LDLRAP1: variants seen among roughly 807,000 people sequenced by gnomAD.
LDLRAP1 encodes the protein low density lipoprotein receptor adaptor protein 1.
LDLRAP1 carries 30 observed loss-of-function variants against 37.8 expected under a neutral mutation model. That is an observed-to-expected ratio of 0.79 (90% CI 0.59 to 1.08). LDLRAP1 has a LOEUF of 1.08. Among genes scored for constraint, LDLRAP1 ranks in the 50% least tolerant of loss-of-function variants. The pLI is 0.00. For synonymous variants in LDLRAP1, 156 were observed against 169.8 expected (o/e 0.92, Z 0.63); for missense variants, 375 against 401.6 (o/e 0.93, Z 0.57).
chr1:25,574,618 G>T, the LDLRAP1 span, among the ~76,000 whole-genome samples: 1 of 152,172 alleles, frequency 6.6e-6, no homozygotes, highest in Non-Finnish European at 1.5e-5. Context: ...GTCAGAGATT[G>T]GTGTATCCCC....
At position 25,554,467 on chromosome 1, in the gene LDLRAP1, C is replaced by G. The variant is rs541016596; in HGVS notation, c.232-393C>G. Among the ~76,000 whole-genome samples, 1 of 152,342 alleles carries G rather than the reference C, an allele frequency of 6.6e-6. No homozygotes were observed. Among genetic ancestry groups the G allele is most frequent in the East Asian group, 1.9e-4 (1 of 5,184 alleles). On this transcript the variant is annotated intron_variant, in intron 2 of 8. Transcript: ENST00000374338. The surrounding 1 kb of genome is among the most constrained non-coding windows in gnomAD (Gnocchi z 5.4). ...AAGGGTGGGCCTTTTAAATCCACTTCCCTTGGTGGCCTCAGACCCCTCAGC... is the reference window on the plus strand; with the variant it reads ...AAGGGTGGGCCTTTTAAATCCACTTGCCTTGGTGGCCTCAGACCCCTCAGC...
At chr1:25,562,047 A>C (rs1384545875) in intron 4 of LDLRAP1, among the ~76,000 whole-genome samples, 1 of 152,056 alleles carries the variant, frequency 6.6e-6, no homozygotes, top group Non-Finnish European at 1.5e-5. Context: ...TATAGCACTG[A>C]CCGGTTTTGG....
At chr1:25,582,120 C>T in the LDLRAP1 span, among the ~76,000 whole-genome samples, 1 of 152,182 alleles carries the variant, frequency 6.6e-6, no homozygotes, top group Non-Finnish European at 1.5e-5. Context: ...AGTGCCATGG[C>T]TTCCCCTTGG....
At chr1:25,566,703 C>T in intron 8 of LDLRAP1, 145 bp from the exon 9 acceptor site, 1 of 961,980 alleles carries the variant, frequency 1.0e-6, no homozygotes, top group Non-Finnish European at 1.6e-6. Context: ...GTGCTTTGAT[C>T]TGAGGTTACT....
At chr1:25,578,688 T>G in the LDLRAP1 span, among the ~76,000 whole-genome samples, 1 of 152,152 alleles carries the variant, frequency 6.6e-6, no homozygotes, top group Non-Finnish European at 1.5e-5. Flanking sequence ...GGCTAATTTA[T>G]ATATTTTTTG....
intron 4 of LDLRAP1, among the ~76,000 whole-genome samples, chr1:25,562,430 G>T (rs1368313857): frequency 6.6e-6 from 1 of 152,240 alleles, no homozygotes; most frequent in Non-Finnish European, 1.5e-5. Flanking sequence ...CCTCTGCGAG[G>T]CTATGGCCTT....
At chr1:25,576,710 G>A in the LDLRAP1 span, among the ~76,000 whole-genome samples, 5 of 152,330 alleles carry the variant, frequency 3.3e-5, no homozygotes, top group African/African-American at 1.2e-4. Flanking sequence ...CAAGATTCAA[G>A]GCCAATCCTA....
At position 25,554,802 on chromosome 1, in the gene LDLRAP1, A is replaced by T. The variant is rs2044160168; in HGVS notation, c.232-58A>T. 2 of 1,366,022 alleles carry T rather than the reference A, an allele frequency of 1.5e-6. No homozygotes were observed. The highest frequency in any genetic ancestry group is 2.8e-5 in the African/African-American group (2 of 70,218). 84.6% of individuals were successfully genotyped at this position (1,366,022 alleles called of 1,614,324 possible). ...GCTTAGGAACAGTGAAGTGTAAGCC[A>T]TGAGGGTGGGTCTCAAGTGAGGCTG... On this transcript the variant is annotated intron_variant, in intron 2 of 8. Transcript: ENST00000374338. This position sits in a 1 kb window ranked among gnomAD's most constrained non-coding sequence, Gnocchi z 5.4.
intron 6 of LDLRAP1, 62 bp downstream of exon 6, chr1:25,563,215 G>A: frequency 1.4e-6 from 2 of 1,426,882 alleles, no homozygotes; most frequent in Non-Finnish European, 2.0e-6. Context: ...TCACCCAGGG[G>A]GGTCCCACTC....
Position 25,555,042 on chromosome 1 carries a change from T to A in LDLRAP1, c.344+70T>A. 8.8e-7 allele frequency: 1 copy of A among 1,131,024 alleles called. No homozygotes were observed. The highest frequency in any genetic ancestry group is 1.3e-6 in the Non-Finnish European group (1 of 747,516). The allele number at this position is 1,131,024 out of a possible 1,614,324, so 70.1% of individuals were successfully genotyped here. Reference sequence around the variant, plus strand: ...CAGTGGGTGGAGTATCCCATCTGAATCCAGGCTCTACCACTTCCTACCTGG... The same window carrying A: ...CAGTGGGTGGAGTATCCCATCTGAAACCAGGCTCTACCACTTCCTACCTGG... On this transcript the variant is annotated intron_variant, in intron 3 of 8. Transcript: ENST00000374338. The surrounding 1 kb of genome is among the most constrained non-coding windows in gnomAD (Gnocchi z 4.7).
At chr1:25,564,675 G>T in intron 7 of LDLRAP1, 2 of 167,544 alleles carry the variant, frequency 1.2e-5, no homozygotes, top group Non-Finnish European at 2.6e-5. Context: ...CTCACCTGTC[G>T]CTTTTCTGCT....
At chr1:25,547,886 T>A (rs141715119) in intron 1 of LDLRAP1, among the ~76,000 whole-genome samples, 2,610 of 152,240 alleles carry the variant, frequency 0.017, 41 homozygotes, top group Non-Finnish European at 0.026. Flanking sequence ...GAACAGCAAG[T>A]GCAGGGAATG....
At chr1:25,548,984 G>C (rs970587744) in intron 1 of LDLRAP1, among the ~76,000 whole-genome samples, 1 of 152,202 alleles carries the variant, frequency 6.6e-6, no homozygotes, top group Admixed American at 6.5e-5. Context: ...AGGACACTGA[G>C]ATCCAGGGAG....
At chr1:25,569,853 A>T (rs2044579475), downstream of LDLRAP1, among the ~76,000 whole-genome samples, 1 of 152,146 alleles carries the variant, frequency 6.6e-6, no homozygotes, top group African/African-American at 2.4e-5. Context: ...GGGCGGGGCC[A>T]CAGCTGAGCC....
the LDLRAP1 span, among the ~76,000 whole-genome samples, chr1:25,583,209 T>C: frequency 2.8e-3 from 409 of 144,556 alleles, 6 homozygotes; most frequent in East Asian, 0.06. Flanking sequence ...TTTTTTTTTT[T>C]GGTGGAGTCT....
chr1:25,582,184 C>T, the LDLRAP1 span, among the ~76,000 whole-genome samples: 1 of 152,242 alleles, frequency 6.6e-6, no homozygotes, highest in African/African-American at 2.4e-5. Flanking sequence ...TTTCATCAGA[C>T]ATTGACTGAG....
chr1:25,587,195 A>G, the LDLRAP1 span, among the ~76,000 whole-genome samples: 1 of 152,092 alleles, frequency 6.6e-6, no homozygotes, highest in African/African-American at 2.4e-5. Context: ...TCTGTCGCCC[A>G]GCCTGGAGTG....
intron 4 of LDLRAP1, among the ~76,000 whole-genome samples, chr1:25,560,187 G>A (rs2044310253): frequency 6.6e-6 from 1 of 152,208 alleles, no homozygotes; most frequent in Non-Finnish European, 1.5e-5. Flanking sequence ...TCCGTTTGCA[G>A]TGGGCCTTGA....
intron 7 of LDLRAP1, chr1:25,564,722 G>A (rs1316473699): frequency 5.2e-6 from 1 of 191,354 alleles, no homozygotes; most frequent in South Asian, 1.1e-4. Flanking sequence ...TATCCCTCAT[G>A]AACTTGGAAT....
Sources: gnomAD v4.1 joint callset for allele counts (sites outside exome capture counted in the v4.1 genomes callset) on GRCh38, gnomAD v4.1.1 for gene constraint, Gnocchi (gnomAD v3.1) non-coding constraint, MANE v1.5 for transcripts, NCBI Gene and HGNC (gene_info 2026-07-23, HGNC 2026-07-21) for gene names.